The following HECTD4 variants were observed in gnomAD, a reference collection of about 807,000 sequenced individuals.
The protein encoded by HECTD4 is HECT domain E3 ubiquitin protein ligase 4.
A neutral mutation model predicts 471.5 loss-of-function variants in HECTD4; 114 were observed. The ratio of observed to expected loss-of-function variants is 0.24; its 90% confidence interval spans 0.21 to 0.28. The LOEUF is 0.28. HECTD4 is among the 10% of genes least tolerant of loss of function. HECTD4 has a pLI of 1.00. For missense variants in HECTD4, 3,866 were observed against 5,651.5 expected, an observed-to-expected ratio of 0.68 and a Z score of 10.13; for synonymous variants, 2,012 against 2,256.0, an observed-to-expected ratio of 0.89 and a Z score of 3.07.
rs59773169 is a variant in HECTD4 at position 112,317,956 on chromosome 12, C to CAAA, written c.695+1266_695+1268dup. Among the ~76,000 whole-genome samples the CAAA allele has an allele frequency of 1.8e-3, 40 of 22,232 alleles. 3 individuals are homozygous for CAAA. The highest frequency in any genetic ancestry group is 4.9e-3 in the African/African-American group (33 of 6,784). 14.6% of individuals were successfully genotyped at this position (22,232 alleles called of 152,430 possible). ...GGTCTTTGAGAGCAAGACCCCATCTCAAAAAAAAAAAAAAAAAAAAAAAAA... is the reference window on the plus strand; with the variant it reads ...GGTCTTTGAGAGCAAGACCCCATCTCAAAAAAAAAAAAAAAAAAAAAAAAAAAA... On this transcript the variant is annotated intron_variant, in intron 2 of 75. Transcript: ENST00000682272.
intron 7 of HECTD4, among the ~76,000 whole-genome samples, chr12:112,298,776 G>A (rs903689790): frequency 2.0e-5 from 3 of 151,772 alleles, no homozygotes; most frequent in Admixed American, 1.3e-4. Context: ...CAGCTACTCA[G>A]GAGGCTGAGG....
rs369689769 is a variant in HECTD4, at chr12:112,221,693, G to A, written c.6971-2204C>T. 5.5e-4 allele frequency among the ~76,000 whole-genome samples: 83 copies of A among 152,222 alleles called. 1 individual carries two copies. In the South Asian group the frequency reaches 0.017, roughly 31 times the overall value. Reference sequence around the variant, plus strand: ...TCCTAGCACTTTGGGAGGCTAAGGAGGGAAGATCACTTGAGCCCAGAGGCA... The same window carrying A: ...TCCTAGCACTTTGGGAGGCTAAGGAAGGAAGATCACTTGAGCCCAGAGGCA... On this transcript the variant is annotated intron_variant, in intron 44 of 75. Transcript: ENST00000682272.
At position 112,228,536 on chromosome 12, in the gene HECTD4, C is replaced by T. The variant is rs1010817857; in HGVS notation, c.6684+111G>A. 4.9e-6 allele frequency: 5 copies of T among 1,013,284 alleles called. No homozygotes were observed. Among genetic ancestry groups the T allele is most frequent in the Non-Finnish European group, 7.0e-6 (5 of 709,656 alleles). 62.8% of individuals were successfully genotyped at this position (1,013,284 alleles called of 1,614,324 possible). On this transcript the variant is annotated intron_variant, in intron 42 of 75. Transcript: ENST00000682272. The surrounding 1 kb of genome is among the most constrained non-coding windows in gnomAD (Gnocchi z 4.9). ...AATACATAAATATACATCACAAGTA[C>T]AATTTAAGATAATCAAGCATTTGTG...
intron 1 of HECTD4, among the ~76,000 whole-genome samples, chr12:112,326,981 T>C (rs1044365371): frequency 2.6e-5 from 4 of 152,196 alleles, no homozygotes; most frequent in East Asian, 1.9e-4. Flanking sequence ...GAGATATTCA[T>C]TGCAGTATTG....
intron 6 of HECTD4, among the ~76,000 whole-genome samples, 197 bp from the exon 7 acceptor site, chr12:112,306,431 TA>T (rs1161700790): frequency 6.6e-6 from 1 of 152,178 alleles, no homozygotes; most frequent in Non-Finnish European, 1.5e-5. Flanking sequence ...CAATGGGCAA[TA>T]GAATAAATAT....
intron 1 of HECTD4, among the ~76,000 whole-genome samples, chr12:112,375,014 T>C (rs1246906064): frequency 6.6e-6 from 1 of 152,198 alleles, no homozygotes; most frequent in African/African-American, 2.4e-5. Context: ...ACAATCAAAA[T>C]AGGGAAAGAG....
chr12:112,272,974 A>G (rs1010310038), intron 11 of HECTD4, among the ~76,000 whole-genome samples: 3 of 152,190 alleles, frequency 2.0e-5, no homozygotes, highest in African/African-American at 7.2e-5. Context: ...ATGCAGACTG[A>G]GGTGGAGGAT....
intron 1 of HECTD4, among the ~76,000 whole-genome samples, chr12:112,359,123 T>C (rs904911420): frequency 1.3e-5 from 2 of 149,856 alleles, no homozygotes; most frequent in Non-Finnish European, 3.0e-5. Flanking sequence ...CTGCAATGAG[T>C]CGAGATGGGC....
At chr12:112,241,488 T>C (rs1435260149) in intron 32 of HECTD4, among the ~76,000 whole-genome samples, 2 of 152,110 alleles carry the variant, frequency 1.3e-5, no homozygotes, top group Non-Finnish European at 2.9e-5. Context: ...GTGACAAGGT[T>C]TTGCTCTGTT....
chr12:112,334,011 C>T (rs2035891032), intron 1 of HECTD4, among the ~76,000 whole-genome samples: 1 of 151,904 alleles, frequency 6.6e-6, no homozygotes, highest in Non-Finnish European at 1.5e-5. Flanking sequence ...GAGTTCAATA[C>T]CAGCCTGGCC....
At chr12:112,372,368 T>C (rs1000486797) in intron 1 of HECTD4, among the ~76,000 whole-genome samples, 1 of 152,148 alleles carries the variant, frequency 6.6e-6, no homozygotes, top group African/African-American at 2.4e-5. Context: ...CACGCCGTTC[T>C]CCTGCCTCAG....
At position 112,165,478 on chromosome 12, in the gene HECTD4, A is replaced by C. The variant is rs372478301; in HGVS notation, c.12535-1203T>G. On this transcript the variant is annotated intron_variant, in intron 72 of 75. Transcript: ENST00000682272. ...ACCATTCTCCTGCCTCAGCCTCCCA[A>C]GTAGCTGGGACTACAGGCGCCCGCC... Among the ~76,000 whole-genome samples, 429 of 151,134 alleles carry C rather than the reference A, an allele frequency of 2.8e-3. 2 individuals carry two copies. The highest frequency in any genetic ancestry group is 4.8e-3 in the Non-Finnish European group (324 of 67,780).
At chr12:112,175,678 T>C in intron 66 of HECTD4, 58 bp downstream of exon 66, 2 of 1,575,972 alleles carry the variant, frequency 1.3e-6, no homozygotes, top group South Asian at 1.1e-5. Context: ...AATTATGCTC[T>C]TGGCTGAAAA....
intron 1 of HECTD4, among the ~76,000 whole-genome samples, chr12:112,349,159 G>T (rs1449010133): frequency 6.6e-6 from 1 of 152,260 alleles, no homozygotes; most frequent in East Asian, 1.9e-4. Context: ...GGAGGCCAAG[G>T]CGGGTGGATC....
At chr12:112,302,155 G>A in intron 7 of HECTD4, 3 of 1,060,934 alleles carry the variant, frequency 2.8e-6, no homozygotes, top group Non-Finnish European at 4.3e-6. Context: ...TACAACACAG[G>A]GCAGGCAAGA....
In HECTD4 at chr12:112,235,946, A is replaced by T. The variant is rs1385530224; in HGVS notation, c.5445-162T>A. ...GTGAAGAATTAAGAATTTTGGAAAC[A>T]TTTGATGAAACCAAACAACACTAAT... is the stretch of plus-strand genomic sequence containing the variant. On this transcript the variant is annotated intron_variant, in intron 35 of 75. Coordinates refer to ENST00000682272, the MANE Select transcript of HECTD4 (RefSeq NM_001388303.1). The surrounding 1 kb of genome is among the most constrained non-coding windows in gnomAD (Gnocchi z 5.0). Among the ~76,000 whole-genome samples the T allele has an allele frequency of 6.6e-6, 1 of 152,238 alleles. No homozygotes were observed. Among genetic ancestry groups the T allele is most frequent in the Admixed American group, 6.5e-5 (1 of 15,286 alleles).
intron 1 of HECTD4, among the ~76,000 whole-genome samples, chr12:112,366,986 T>A (rs1372012059): frequency 6.6e-6 from 1 of 151,480 alleles, no homozygotes; most frequent in Admixed American, 6.6e-5. Flanking sequence ...TTGGGTTTGT[T>A]GACTGCCTTC....
Position 112,190,820 on chromosome 12 carries a change from C to T in HECTD4, c.9438G>A (p.Pro3146=), listed in dbSNP as rs1481511117. 2.5e-6 allele frequency: 4 copies of T among 1,589,702 alleles called. No individual in the cohort carries two copies. The highest frequency in any genetic ancestry group is 2.3e-5 in the East Asian group (1 of 43,624). The stretch of plus-strand genomic sequence containing the variant: ...CCACCACCTGCAGGAGGACGGATGT[C>T]GGAATGGTGTCAGGCTCATCTTCGG... The part of the protein sequence containing the change: ...GKSEDEPDTI[P]TSVLLQVVEL... Residue 3146 remains proline (P), a synonymous_variant, in exon 60 of 76, where the codon CCG becomes CCA. Transcript: ENST00000682272.
At chr12:112,219,602 AT>A (rs369653709) in intron 44 of HECTD4, 113 bp from the exon 45 acceptor site, 59,160 of 497,572 alleles carry the variant, frequency 0.12, no homozygotes, top group South Asian at 0.16. Context: ...AGCTCATTGA[AT>A]TTTTTTTTTT....
Sources: gnomAD v4.1 joint callset for allele counts (sites outside exome capture counted in the v4.1 genomes callset) on GRCh38, gnomAD v4.1.1 for gene constraint, Gnocchi (gnomAD v3.1) non-coding constraint, MANE v1.5 for transcripts, NCBI Gene and HGNC (gene_info 2026-07-23, HGNC 2026-07-21) for gene names.